Variants in OTOF observed in about 807,000 individuals in gnomAD.
OTOF encodes the protein fer-1-like family member 2.
Under a neutral mutation model 236.8 loss-of-function variants are expected in OTOF, and 218 were observed. The observed-to-expected ratio is 0.92, with a 90% CI of 0.82 to 1.03. OTOF has a LOEUF of 1.03. Among genes scored for constraint, OTOF ranks in the 50% least tolerant of loss-of-function variants. OTOF has a pLI of 0.00. For missense variants in OTOF, 2,590 were observed against 2,694.4 expected (o/e 0.96, Z 0.86); for synonymous variants, 1,041 against 1,072.5 (o/e 0.97, Z 0.57).
intron 2 of OTOF, among the ~76,000 whole-genome samples, chr2:26,531,487 G>A (rs1418564125): frequency 1.3e-5 from 2 of 152,182 alleles, no homozygotes; most frequent in Non-Finnish European, 2.9e-5. Context: ...GGCAGAATGT[G>A]TTTAGTTTAG....
At chr2:26,490,816 TGTG>T (rs1428482646) in intron 9 of OTOF, among the ~76,000 whole-genome samples, 2 of 152,098 alleles carry the variant, frequency 1.3e-5, no homozygotes, top group Non-Finnish European at 2.9e-5. Context: ...AAGGTGTGGT[TGTG>T]AAGTTGCAAT....
At chr2:26,496,704 T>A (rs565937628) in intron 8 of OTOF, among the ~76,000 whole-genome samples, 1 of 152,160 alleles carries the variant, frequency 6.6e-6, no homozygotes, top group East Asian at 1.9e-4. Context: ...CCTGTCAGGG[T>A]GGCCATGTTA....
Position 26,475,494 on chromosome 2 carries a change from C to T in OTOF, c.2992-1G>A. On this transcript the variant is annotated splice_acceptor_variant, in intron 24 of 46. Transcript: ENST00000272371. LOFTEE classifies it high-confidence loss of function. ...TGGGACACAGGGTCTCATTCAGCACCTGCAGCATGGGATGGGGAGACAGGG... is the reference window on the plus strand; with the variant it reads ...TGGGACACAGGGTCTCATTCAGCACTTGCAGCATGGGATGGGGAGACAGGG... 6.2e-7 allele frequency: 1 copy of T among 1,612,510 alleles called. No individual in the cohort carries two copies.
intron 13 of OTOF, 117 bp downstream of exon 13, chr2:26,483,345 C>G: frequency 1.0e-6 from 1 of 965,156 alleles, no homozygotes; most frequent in Non-Finnish European, 1.7e-6. Flanking sequence ...CGTCCCTGGC[C>G]AACATGATTT....
rs1453730922 is a variant in OTOF at position 26,465,687 on chromosome 2, G to A, written c.4784C>T (p.Ala1595Val). ...CCCCACATACGTGGAGTAGGTCTGG[G>A]CGATGCCGCAGGTGGCGCGGTGCTT... is the stretch of plus-strand genomic sequence containing the variant. ...YSKHRATCGI[A>V]QTYSTHGYNI... Residue 1595 changes from alanine (A) to valine (V), a missense_variant, in exon 38 of 47, where the codon GCC becomes GTC. This residue lies in a region of OTOF where 1,211 missense variants were observed against 1,352.8 expected (regional missense o/e 0.90). Transcript: ENST00000272371. The A allele has an allele frequency of 3.1e-6, 5 of 1,614,158 alleles. No homozygotes were observed. In the African/African-American group the frequency reaches 4.0e-5, roughly 13 times the overall value.
chr2:26,528,001 G>A (rs752325598), intron 2 of OTOF, 81 bp from the exon 3 acceptor site: 7 of 993,308 alleles, frequency 7.0e-6, no homozygotes, highest in Non-Finnish European at 1.1e-5. Flanking sequence ...TCTCTTGTGG[G>A]GATCTCCAAC....
At chr2:26,554,363 T>C (rs1479286439) in intron 1 of OTOF, among the ~76,000 whole-genome samples, 1 of 151,514 alleles carries the variant, frequency 6.6e-6, no homozygotes, top group Non-Finnish European at 1.5e-5. Flanking sequence ...AGCCAAAGAG[T>C]GACAGTGCCA....
At chr2:26,458,966 G>C (rs1664321504) in intron 46 of OTOF, among the ~76,000 whole-genome samples, 1 of 152,156 alleles carries the variant, frequency 6.6e-6, no homozygotes, top group African/African-American at 2.4e-5. Flanking sequence ...ATCAACCTCG[G>C]TTTCTTCATG....
At position 26,468,468 on chromosome 2, in the gene OTOF, GA is replaced by G. The variant is rs771527434; in HGVS notation, c.4029del (p.Arg1344AspfsTer22). ...FASIDTMKEQ[L>X]RQQEPSGIDL... ...TCAATTCCAGAGGGCTCTTGTTGTC[GA>G]AGTTGCTGCCAAAAGATGAGATGAA... On this transcript the variant is annotated frameshift_variant, in exon 33 of 47. Transcript: ENST00000272371. LOFTEE classifies it high-confidence loss of function. The G allele has an allele frequency of 6.2e-7, 1 of 1,613,826 alleles. No individual in the cohort carries two copies. The highest frequency in any genetic ancestry group is 8.5e-7 in the Non-Finnish European group (1 of 1,179,750).
intron 1 of OTOF, among the ~76,000 whole-genome samples, chr2:26,553,262 G>A (rs1667506944): frequency 1.3e-5 from 2 of 152,032 alleles, no homozygotes; most frequent in East Asian, 1.9e-4. Flanking sequence ...TGGCTTCCCC[G>A]ACATGGAACT....
At chr2:26,496,396 G>A (rs764740925) in intron 8 of OTOF, among the ~76,000 whole-genome samples, 5 of 150,120 alleles carry the variant, frequency 3.3e-5, no homozygotes, top group Admixed American at 6.6e-5. Context: ...CACCCCGCCC[G>A]GCTAATTTTT....
chr2:26,467,881 C>T (rs1428716186), intron 33 of OTOF, among the ~76,000 whole-genome samples: 1 of 152,210 alleles, frequency 6.6e-6, no homozygotes, highest in African/African-American at 2.4e-5. Flanking sequence ...AGTGGAGCAC[C>T]TGGTGCAGAT....
chr2:26,552,109 G>T (rs1333012404), intron 1 of OTOF, among the ~76,000 whole-genome samples: 1 of 109,662 alleles, frequency 9.1e-6, no homozygotes, highest in South Asian at 3.1e-4. Context: ...AAAAAAAAAG[G>T]CCAGGCACAG....
chr2:26,473,921 C>G lies in OTOF; in HGVS notation c.3408+70G>C. On this transcript the variant is annotated intron_variant, in intron 27 of 46. Coordinates refer to ENST00000272371, the MANE Select transcript of OTOF (RefSeq NM_194248.3). This position sits in a 1 kb window ranked among gnomAD's most constrained non-coding sequence, Gnocchi z 7.2. ...GGTGATGGTGGTGGGAGGGGGATGA[C>G]AAGCCACTTCCCCTCCTGGGTCCTC... 6.3e-7 allele frequency: 1 copy of G among 1,591,520 alleles called. No individual in the cohort carries two copies. Among genetic ancestry groups the G allele is most frequent in the Non-Finnish European group, 8.6e-7 (1 of 1,161,282 alleles).
intron 26 of OTOF, among the ~76,000 whole-genome samples, 178 bp downstream of exon 26, chr2:26,474,335 C>A (rs1171731636): frequency 5.8e-5 from 8 of 139,130 alleles, no homozygotes; most frequent in Non-Finnish European, 1.3e-4. Context: ...ACCCCCCAGG[C>A]CCCAGGCCCC....
In OTOF at chr2:26,476,336, T is replaced by A. The variant is rs1324144702; in HGVS notation, c.2677-19A>T. 2 of 1,598,546 alleles carry A rather than the reference T, an allele frequency of 1.3e-6. No homozygotes were observed. Among genetic ancestry groups the A allele is most frequent in the Non-Finnish European group, 8.5e-7 (1 of 1,178,826 alleles). Reference sequence around the variant, plus strand: ...CTGGCAGCTGGGGGTGGGCATGGGGTCACCAGGAGCCTGACGGCTGCCAGG... The same window carrying A: ...CTGGCAGCTGGGGGTGGGCATGGGGACACCAGGAGCCTGACGGCTGCCAGG... On this transcript the variant is annotated intron_variant, in intron 22 of 46. Coordinates refer to ENST00000272371, the MANE Select transcript of OTOF (RefSeq NM_194248.3).
rs778787323 is a variant in OTOF, at chr2:26,467,437, TTTC to T, written c.4152_4154del (p.Lys1385del). ...CCTGGCCAGAGCCAGAGCTCTGAGT[TTTC>T]TTCTTCTTCTCCTCTTTGGCAGCCC... On this transcript the variant is annotated inframe_deletion, in exon 34 of 47. Coordinates refer to ENST00000272371, the MANE Select transcript of OTOF (RefSeq NM_194248.3). 13 of 1,613,988 alleles carry T rather than the reference TTTC, an allele frequency of 8.1e-6. No homozygotes were observed. The highest frequency in any genetic ancestry group is 1.3e-5 in the African/African-American group (1 of 74,984).
At chr2:26,516,337 G>T in intron 5 of OTOF, 81 bp downstream of exon 5, 1 of 1,324,762 alleles carries the variant, frequency 7.5e-7, no homozygotes, top group Non-Finnish European at 1.1e-6. Context: ...GGCCTAGAGA[G>T]GCCTGTCAGT....
intron 3 of OTOF, among the ~76,000 whole-genome samples, chr2:26,525,757 A>AATGG (rs1666786186): frequency 6.6e-6 from 1 of 151,754 alleles, no homozygotes; most frequent in East Asian, 2.0e-4. Context: ...AGAATGAAAG[A>AATGG]ATGGATGGAT....
Sources: gnomAD v4.1 joint callset for allele counts (sites outside exome capture counted in the v4.1 genomes callset) on GRCh38, gnomAD v4.1.1 for gene constraint, gnomAD v4.1.1 regional missense constraint, Gnocchi (gnomAD v3.1) non-coding constraint, MANE v1.5 for transcripts, NCBI Gene and HGNC (gene_info 2026-07-23, HGNC 2026-07-21) for gene names.